RNF150: variants seen among roughly 807,000 people sequenced by gnomAD.
The protein encoded by RNF150 is ring finger protein 150.
RNF150 carries 24 observed loss-of-function variants against 39.3 expected under a neutral mutation model. The ratio of observed to expected loss-of-function variants is 0.61; its 90% CI spans 0.44 to 0.86. RNF150 has a LOEUF of 0.86. RNF150 is among the 40% of genes least tolerant of loss of function. The pLI is 0.00. For missense variants in RNF150, 502 were observed against 587.8 expected (o/e 0.85, Z 1.51); for synonymous variants, 255 against 227.3 (o/e 1.12, Z -1.10).
In RNF150 at chr4:141,011,092, C is replaced by T. The variant is rs536448557; in HGVS notation, c.485-43219G>A. Reference sequence around the variant, plus strand: ...TAATGATATTATTAAACAAAATTTTCGTATTACTCTCTTCTCAATAATGAA... The same window carrying T: ...TAATGATATTATTAAACAAAATTTTTGTATTACTCTCTTCTCAATAATGAA... On this transcript the variant is annotated intron_variant, in intron 1 of 6. Transcript: ENST00000515673. 5.3e-5 allele frequency among the ~76,000 whole-genome samples: 8 copies of T among 151,970 alleles called. No homozygotes were observed. In the South Asian group the frequency reaches 8.3e-4, roughly 16 times the overall value.
At position 141,208,581 on chromosome 4, in the gene RNF150, C is replaced by T. The variant is rs569134601; in HGVS notation, c.-6+4213G>A. Among the ~76,000 whole-genome samples the T allele has an allele frequency of 4.6e-5, 7 of 152,260 alleles. 1 individual carries two copies. The highest frequency in any genetic ancestry group is 1.7e-4 in the African/African-American group (7 of 41,534). On this transcript the variant is annotated intron_variant, in intron 1 of 7. Transcript: ENST00000420921. ...AGCTATACCTTAATTCTTTCCTTTT[C>T]AATTTTGCTCTTTTTACAAAGGAAT...
At chr4:141,121,243 C>T (rs760089161) in intron 1 of RNF150, among the ~76,000 whole-genome samples, 6 of 152,142 alleles carry the variant, frequency 3.9e-5, no homozygotes, top group Non-Finnish European at 7.3e-5. Flanking sequence ...TGCAGTTCTT[C>T]CTAGAACAGT....
intron 1 of RNF150, among the ~76,000 whole-genome samples, chr4:141,062,953 A>C (rs1737297189): frequency 1.3e-5 from 2 of 152,048 alleles, no homozygotes; most frequent in African/African-American, 4.8e-5. Context: ...TTCCTGTGTA[A>C]ATTTGCTTAG....
intron 1 of RNF150, among the ~76,000 whole-genome samples, chr4:141,184,928 C>T (rs989774622): frequency 2.6e-5 from 4 of 151,138 alleles, no homozygotes; most frequent in Non-Finnish European, 5.9e-5. Flanking sequence ...GTTACTGTAG[C>T]CTTGTAGTAT....
At chr4:140,888,193 G>A (rs953382346) in intron 6 of RNF150, among the ~76,000 whole-genome samples, 1 of 152,282 alleles carries the variant, frequency 6.6e-6, no homozygotes, top group East Asian at 1.9e-4. Flanking sequence ...GGTATGTTGG[G>A]GGATGGGGAG....
chr4:140,892,862 A>G (rs1729804941), intron 6 of RNF150, among the ~76,000 whole-genome samples: 3 of 151,784 alleles, frequency 2.0e-5, no homozygotes, highest in Admixed American at 2.0e-4. Context: ...GGAGTTTGGG[A>G]CCAGCCTGGG....
intron 1 of RNF150, among the ~76,000 whole-genome samples, chr4:141,151,415 C>A (rs982250642): frequency 1.4e-4 from 1 of 7,244 alleles, no homozygotes; most frequent in Non-Finnish European, 7.9e-4. Context: ...TACAGACACA[C>A]ACACACACAC....
intron 6 of RNF150, among the ~76,000 whole-genome samples, chr4:140,905,190 T>C (rs1344962685): frequency 6.6e-6 from 1 of 152,222 alleles, no homozygotes; most frequent in Non-Finnish European, 1.5e-5. Context: ...AAGTGCATTT[T>C]GAAAAGTATT....
chr4:141,087,279 C>T (rs898673245), intron 1 of RNF150, among the ~76,000 whole-genome samples: 1 of 152,162 alleles, frequency 6.6e-6, no homozygotes, highest in Non-Finnish European at 1.5e-5. Flanking sequence ...GGATGACATC[C>T]TCCAGCTTCA....
At chr4:141,188,639 C>T (rs1345856001) in intron 1 of RNF150, among the ~76,000 whole-genome samples, 1 of 152,098 alleles carries the variant, frequency 6.6e-6, no homozygotes, top group African/African-American at 2.4e-5. Flanking sequence ...TGGATCAATT[C>T]AGCAATTGAT....
At chr4:141,054,104 T>G (rs1457276139) in intron 1 of RNF150, among the ~76,000 whole-genome samples, 4 of 152,214 alleles carry the variant, frequency 2.6e-5, no homozygotes, top group Non-Finnish European at 4.4e-5. Context: ...GTCTAATCTA[T>G]GTCCGTAAGT....
intron 1 of RNF150, among the ~76,000 whole-genome samples, chr4:141,183,634 C>T (rs1324351329): frequency 6.6e-6 from 1 of 151,784 alleles, no homozygotes; most frequent in Non-Finnish European, 1.5e-5. Context: ...TGTTTAAGCC[C>T]CACATGCATT....
chr4:141,205,014 A>C (rs1010584271), intron 1 of RNF150, among the ~76,000 whole-genome samples: 3 of 152,192 alleles, frequency 2.0e-5, no homozygotes, highest in Non-Finnish European at 2.9e-5. Context: ...TTTGGGATAA[A>C]CATGCTTAAA....
chr4:141,203,700 G>A (rs1416243579), intron 1 of RNF150, among the ~76,000 whole-genome samples: 1 of 151,616 alleles, frequency 6.6e-6, no homozygotes, highest in Non-Finnish European at 1.5e-5. Context: ...CTTCATTTTT[G>A]CCAACAGTGC....
chr4:141,043,292 G>A (rs1347243379), intron 1 of RNF150, among the ~76,000 whole-genome samples: 2 of 152,032 alleles, frequency 1.3e-5, no homozygotes, highest in African/African-American at 4.8e-5. Flanking sequence ...GCCACACAGA[G>A]AATTGGCCTC....
intron 4 of RNF150, among the ~76,000 whole-genome samples, chr4:140,946,746 T>G (rs1045633738): frequency 6.6e-6 from 1 of 152,182 alleles, no homozygotes; most frequent in African/African-American, 2.4e-5. Flanking sequence ...TCTCAAGCGA[T>G]CCTCCTGTCT....
chr4:141,011,093 G>A (rs73849453), intron 1 of RNF150, among the ~76,000 whole-genome samples: 11,044 of 151,438 alleles, frequency 0.073, 450 homozygotes, highest in Middle Eastern at 0.16. Context: ...CAAAATTTTC[G>A]TATTACTCTC....
intron 1 of RNF150, among the ~76,000 whole-genome samples, chr4:141,062,295 T>C (rs62327665): frequency 0.059 from 8,975 of 152,198 alleles, 274 homozygotes; most frequent in South Asian, 0.08. Flanking sequence ...GTCTGTATTA[T>C]ACATGATATA....
intron 1 of RNF150, among the ~76,000 whole-genome samples, chr4:141,047,848 A>T (rs1736634841): frequency 6.6e-6 from 1 of 152,146 alleles, no homozygotes; most frequent in Non-Finnish European, 1.5e-5. Context: ...TCTCTACAGA[A>T]TATATTATTT....
Sources: gnomAD v4.1 joint callset for allele counts (sites outside exome capture counted in the v4.1 genomes callset) on GRCh38, gnomAD v4.1.1 for gene constraint, MANE v1.5 for transcripts, NCBI Gene and HGNC (gene_info 2026-07-23, HGNC 2026-07-21) for gene names.